Variants in DNAH2 observed in about 807,000 individuals in gnomAD.
DNAH2 encodes the protein axonemal beta dynein heavy chain 2.
DNAH2 carries 323 observed loss-of-function variants against 523.5 expected under a neutral mutation model. The observed-to-expected ratio is 0.62, with a 90% confidence interval of 0.56 to 0.68. The LOEUF (loss-of-function observed/expected upper bound fraction) is 0.68. Ranked by LOEUF, DNAH2 falls within the 30% of genes least tolerant of loss-of-function variation. The pLI is 0.00. For synonymous variants in DNAH2, 2,093 were observed against 2,177.4 expected (o/e 0.96, Z 1.08); for missense variants, 4,907 against 5,701.5 (o/e 0.86, Z 4.49).
intron 63 of DNAH2, among the ~76,000 whole-genome samples, chr17:7,814,707 G>T (rs973205679): frequency 6.6e-6 from 1 of 152,140 alleles, no homozygotes; most frequent in Non-Finnish European, 1.5e-5. Flanking sequence ...AAAATTGGCC[G>T]GGTGTGGTGG....
chr17:7,804,102 G>A lies in DNAH2; in HGVS notation c.8973-154G>A, dbSNP rs555490884. 2.0e-5 allele frequency among the ~76,000 whole-genome samples: 3 copies of A among 152,312 alleles called. No individual in the cohort carries two copies. The South Asian group carries it at 6.2e-4, about 32-fold the overall frequency. ...AAGCTGTTGGCAATGACCCAGGCAGGAAGTGATAGAATCCCGACCAGGATG... is the reference window on the plus strand; with the variant it reads ...AAGCTGTTGGCAATGACCCAGGCAGAAAGTGATAGAATCCCGACCAGGATG... On this transcript the variant is annotated intron_variant, in intron 58 of 85. Transcript: ENST00000572933.
chr17:7,735,289 C>G (rs1294652972), intron 7 of DNAH2, among the ~76,000 whole-genome samples: 2 of 151,972 alleles, frequency 1.3e-5, no homozygotes, highest in South Asian at 2.1e-4. Context: ...CGCCACCAAG[C>G]CTGGCTAATT....
At position 7,798,830 on chromosome 17, in the gene DNAH2, C is replaced by A; in HGVS notation, c.8559+112C>A. On this transcript the variant is annotated intron_variant, in intron 55 of 85. Coordinates refer to ENST00000572933, the MANE Select transcript of DNAH2 (RefSeq NM_020877.5). This position sits in a 1 kb window ranked among gnomAD's most constrained non-coding sequence, Gnocchi z 5.5. ...CTGGCACACCCCCACTGCCACACCC[C>A]CACTGCCCACCTCAGCCCTGTAAGG... The A allele has an allele frequency of 1.9e-6, 2 of 1,064,952 alleles. No homozygotes were observed. The highest frequency in any genetic ancestry group is 1.3e-6 in the Non-Finnish European group (1 of 743,484). 66.0% of individuals were successfully genotyped at this position (1,064,952 alleles called of 1,614,324 possible).
chr17:7,831,578 T>C lies in DNAH2; in HGVS notation c.12611+37T>C, dbSNP rs776723999. 2 of 1,613,368 alleles carry C rather than the reference T, an allele frequency of 1.2e-6. No homozygotes were observed. Among genetic ancestry groups the C allele is most frequent in the Non-Finnish European group, 1.7e-6 (2 of 1,179,774 alleles). ...GGGGACTCTGCGGAACAGGGGAGGG[T>C]GTGAGGAGAAGCCTTTGCCTTCTGG... On this transcript the variant is annotated intron_variant, in intron 81 of 85. Transcript: ENST00000572933. This position sits in a 1 kb window ranked among gnomAD's most constrained non-coding sequence, Gnocchi z 4.2.
rs2075169995 is a variant in DNAH2 at position 7,737,274 on chromosome 17, G to A, written c.1170+16G>A. The A allele has an allele frequency of 3.7e-6, 6 of 1,609,536 alleles. No homozygotes were observed. The highest frequency in any genetic ancestry group is 5.1e-6 in the Non-Finnish European group (6 of 1,176,692). Reference sequence around the variant, plus strand: ...CTTCCGAAAGGTGTGCATATGCTGAGGGTGGGATGGAGGGGTTTATGAGGG... The same window carrying A: ...CTTCCGAAAGGTGTGCATATGCTGAAGGTGGGATGGAGGGGTTTATGAGGG... On this transcript the variant is annotated intron_variant, in intron 8 of 85. Transcript: ENST00000572933.
intron 8 of DNAH2, chr17:7,739,024 C>T (rs1214850557): frequency 1.4e-6 from 1 of 702,512 alleles, no homozygotes; most frequent in Admixed American, 2.0e-5. Flanking sequence ...GGTGGGAAGA[C>T]TGAAGAACCA....
intron 77 of DNAH2, among the ~76,000 whole-genome samples, chr17:7,825,382 C>G (rs1237213203): frequency 1.3e-5 from 2 of 152,206 alleles, no homozygotes; most frequent in Admixed American, 6.5e-5. Flanking sequence ...AGCACATGGA[C>G]CAGTATGTAT....
chr17:7,738,706 C>A (rs535342044), intron 8 of DNAH2, among the ~76,000 whole-genome samples: 6 of 152,064 alleles, frequency 3.9e-5, no homozygotes, highest in Non-Finnish European at 8.8e-5. Flanking sequence ...TTGACCCCAT[C>A]GTCTAAAATT....
intron 4 of DNAH2, among the ~76,000 whole-genome samples, chr17:7,728,361 G>A (rs367976992): frequency 2.0e-5 from 3 of 152,166 alleles, no homozygotes; most frequent in East Asian, 1.9e-4. Flanking sequence ...TCATATTGGC[G>A]GCACATATAC....
In DNAH2 at chr17:7,807,155, C is replaced by A; in HGVS notation, c.9448C>A (p.Gln3150Lys). The change falls in exon 62 of 86, where the codon CAG becomes AAG. Residue 3150 changes from glutamine to lysine, a missense_variant. This residue lies in a region of DNAH2 where 1,851 missense variants were observed against 2,139.4 expected (regional missense o/e 0.87). Coordinates refer to ENST00000572933, the MANE Select transcript of DNAH2 (RefSeq NM_020877.5). The surrounding 1 kb of genome is among the most constrained non-coding windows in gnomAD (Gnocchi z 5.6). ...WAEAKRQLGE[Q>K]NFIKSLINFD... ...CCCTAATTTTCATCCCACAGGGGAACAGAACTTCATCAAGTCACTGATCAA... is the reference window on the plus strand; with the variant it reads ...CCCTAATTTTCATCCCACAGGGGAAAAGAACTTCATCAAGTCACTGATCAA... 1 of 1,605,836 alleles carries A rather than the reference C, an allele frequency of 6.2e-7. No homozygotes were observed. The highest frequency in any genetic ancestry group is 2.2e-5 in the East Asian group (1 of 44,880).
chr17:7,832,319 T>C lies in DNAH2; in HGVS notation c.12727-260T>C, dbSNP rs113066551. ...GTTTAGGAGTTTGAGACCAGCCTGG[T>C]CAACATGGTGAAACCCCGTCTCTAC... On this transcript the variant is annotated intron_variant, in intron 82 of 85. Transcript: ENST00000572933. This position sits in a 1 kb window ranked among gnomAD's most constrained non-coding sequence, Gnocchi z 4.3. Among the ~76,000 whole-genome samples, 1 of 151,710 alleles carries C rather than the reference T, an allele frequency of 6.6e-6. No individual in the cohort carries two copies. The highest frequency in any genetic ancestry group is 2.4e-5 in the African/African-American group (1 of 41,244).
At chr17:7,762,616 G>A (rs1381990856) in intron 18 of DNAH2, among the ~76,000 whole-genome samples, 2 of 152,090 alleles carry the variant, frequency 1.3e-5, no homozygotes, top group East Asian at 3.9e-4. Flanking sequence ...TTACGGGCCT[G>A]AGCCACCAAG....
At chr17:7,791,140 C>T (rs1003151534) in intron 44 of DNAH2, among the ~76,000 whole-genome samples, 2 of 151,820 alleles carry the variant, frequency 1.3e-5, no homozygotes, top group African/African-American at 4.8e-5. Flanking sequence ...GCGGTGCCAT[C>T]TCGGCTCACT....
intron 7 of DNAH2, 38 bp downstream of exon 7, chr17:7,734,746 A>T: frequency 6.3e-7 from 1 of 1,599,522 alleles, no homozygotes; most frequent in Non-Finnish European, 8.6e-7. Flanking sequence ...CTCAGCAAGA[A>T]GTGGGCAATG....
rs755941113 is a variant in DNAH2, at chr17:7,819,203, C to T, written c.10816-6C>T. 4.3e-5 allele frequency: 70 copies of T among 1,613,032 alleles called. 1 individual carries two copies. The highest frequency in any genetic ancestry group is 8.9e-5 in the East Asian group (4 of 44,892). On this transcript the variant is annotated splice_region_variant and splice_polypyrimidine_tract_variant and intron_variant, in intron 71 of 85. Coordinates refer to ENST00000572933, the MANE Select transcript of DNAH2 (RefSeq NM_020877.5). Reference sequence around the variant, plus strand: ...TGGCCCTGACTCCACCCATCCCCACCGGCAGGCTTACCGCCCATGCGCCCA... The same window carrying T: ...TGGCCCTGACTCCACCCATCCCCACTGGCAGGCTTACCGCCCATGCGCCCA...
chr17:7,769,834 G>A (rs917099829), intron 24 of DNAH2, among the ~76,000 whole-genome samples: 1 of 152,136 alleles, frequency 6.6e-6, no homozygotes, highest in Non-Finnish European at 1.5e-5. Context: ...GTGTTATACG[G>A]TTATGTATAA....
At chr17:7,766,176 A>C in intron 21 of DNAH2, 142 bp from the exon 22 acceptor site, 1 of 820,378 alleles carries the variant, frequency 1.2e-6, no homozygotes, top group East Asian at 2.7e-5. Context: ...TTATTCTTTC[A>C]ACGCGTTCCC....
chr17:7,741,281 TCTTTCTTTCTTTCTTC>T lies in DNAH2; in HGVS notation c.1689+293_1689+308del, dbSNP rs1210508358. On this transcript the variant is annotated intron_variant, in intron 11 of 85. Transcript: ENST00000572933. ...TTCTTTCTTTCTTTCTTTCTTTCTT[TCTTTCTTTCTTTCTTC>T]CTTCCTTCCCTCCCTCCCTCCCTCC... Among the ~76,000 whole-genome samples, 26 of 56,660 alleles carry T rather than the reference TCTTTCTTTCTTTCTTC, an allele frequency of 4.6e-4. No individual in the cohort carries two copies. In the East Asian group the frequency reaches 6.7e-3, roughly 15 times the overall value. 37.2% of individuals were successfully genotyped at this position (56,660 alleles called of 152,430 possible).
intron 20 of DNAH2, 39 bp downstream of exon 20, chr17:7,764,312 T>C: frequency 6.4e-7 from 1 of 1,563,094 alleles, no homozygotes; most frequent in South Asian, 1.2e-5. Context: ...GGGACCCGTA[T>C]CAGCAGCAGA....
Sources: allele counts gnomAD v4.1 joint callset (sites outside exome capture counted in the v4.1 genomes callset), GRCh38; gene constraint gnomAD v4.1.1; regional missense constraint gnomAD v4.1.1; non-coding constraint Gnocchi (gnomAD v3.1); transcripts MANE v1.5; gene names NCBI Gene and HGNC (gene_info 2026-07-23, HGNC 2026-07-21).